SH3RF2: variants seen among roughly 807,000 people sequenced by gnomAD.
The protein encoded by SH3RF2 is E3 ubiquitin-protein ligase SH3RF2.
Under a neutral mutation model 59.0 loss-of-function variants are expected in SH3RF2, and 43 were observed. The observed-to-expected ratio is 0.73, with a 90% CI of 0.57 to 0.94. The LOEUF is 0.94. Ranked by LOEUF, SH3RF2 falls within the 40% of genes least tolerant of loss-of-function variation. SH3RF2 has a pLI of 0.00. For synonymous variants in SH3RF2, 391 were observed against 391.5 expected (o/e 1.00, Z 0.01); for missense variants, 930 against 940.1 (o/e 0.99, Z 0.14).
chr5:146,004,067 A>G lies in SH3RF2; in HGVS notation c.658A>G (p.Ile220Val). 1 of 1,612,586 alleles carries G rather than the reference A, an allele frequency of 6.2e-7. No homozygotes were observed. Among genetic ancestry groups the G allele is most frequent in the Non-Finnish European group, 8.5e-7 (1 of 1,178,870 alleles). Residue 220 changes from isoleucine (I) to valine (V), a missense_variant, in exon 4 of 10, where the codon ATC (isoleucine) becomes GTC (valine). Physicochemically the swap from Ile to Val is conservative, Grantham distance 29. Coordinates refer to ENST00000359120, the MANE Select transcript of SH3RF2 (RefSeq NM_152550.4). Reference protein sequence around the residue: ...DCLTFLKDDIITVISRVDENW... With the variant: ...DCLTFLKDDIVTVISRVDENW... Reference sequence around the variant, plus strand: ...AGACTTTCTCTTTCAGGACGATATCATCACTGTGATCAGCCGAGTGGATGA... The same window carrying G: ...AGACTTTCTCTTTCAGGACGATATCGTCACTGTGATCAGCCGAGTGGATGA...
intron 2 of SH3RF2, among the ~76,000 whole-genome samples, chr5:145,991,526 A>G (rs1759930968): frequency 1.3e-5 from 2 of 152,168 alleles, no homozygotes; most frequent in African/African-American, 4.8e-5. Context: ...TTCTGTGAGT[A>G]TGAACATAGA....
At chr5:145,963,678 T>C (rs1347997298) in intron 2 of SH3RF2, among the ~76,000 whole-genome samples, 1 of 152,156 alleles carries the variant, frequency 6.6e-6, no homozygotes, top group Non-Finnish European at 1.5e-5. Context: ...CCTCCCATCA[T>C]CATTTATAAC....
intron 4 of SH3RF2, among the ~76,000 whole-genome samples, chr5:146,012,111 A>C (rs1243312545): frequency 2.0e-5 from 3 of 152,188 alleles, no homozygotes; most frequent in Non-Finnish European, 4.4e-5. Context: ...ATTTTATCAA[A>C]GGCCTTTTCT....
At chr5:146,008,282 A>C (rs1760728045) in intron 4 of SH3RF2, among the ~76,000 whole-genome samples, 1 of 152,190 alleles carries the variant, frequency 6.6e-6, no homozygotes. Context: ...TTGGCAGAGG[A>C]CAGGGCAGAC....
In SH3RF2 at chr5:145,968,877, G is replaced by A. The variant is rs539819336; in HGVS notation, c.378+30571G>A. On this transcript the variant is annotated intron_variant, in intron 2 of 9. Coordinates refer to ENST00000359120, the MANE Select transcript of SH3RF2 (RefSeq NM_152550.4). ...CTATGGACACAGGTTGTCTTCACTA[G>A]GGAGTGGAATTAGAAGAGAAAGGAA... Among the ~76,000 whole-genome samples, 7 of 152,254 alleles carry A rather than the reference G, an allele frequency of 4.6e-5. No homozygotes were observed. The East Asian group carries it at 7.7e-4, about 17-fold the overall frequency.
rs775984140 is a variant in SH3RF2, at chr5:146,000,157, G to A, written c.478G>A (p.Glu160Lys). 3.7e-6 allele frequency: 6 copies of A among 1,613,972 alleles called. No homozygotes were observed. The South Asian group carries it at 4.4e-5, about 12-fold the overall frequency. The change falls in exon 3 of 10, where the codon GAG (glutamate) becomes AAG (lysine). Residue 160 changes from glutamate (E) to lysine (K), a missense_variant. Transcript: ENST00000359120. Reference protein sequence around the residue: ...DIILLRRQLDENWYQGEINGI... With the variant: ...DIILLRRQLDKNWYQGEINGI... ...CATCCTTCTCCGGAGACAGCTTGAT[G>A]AGAATTGGTACCAGGGGGAAATCAA...
At chr5:146,008,950 A>G (rs907356122) in intron 4 of SH3RF2, among the ~76,000 whole-genome samples, 3 of 152,202 alleles carry the variant, frequency 2.0e-5, no homozygotes, top group Non-Finnish European at 4.4e-5. Context: ...ATGCTGTTTC[A>G]TGTATCAGTA....
chr5:145,997,351 AGTCTAAATAT>A (rs1455550167), intron 2 of SH3RF2: 1 of 1,166,640 alleles, frequency 8.6e-7, no homozygotes, highest in East Asian at 2.3e-5. Flanking sequence ...CCACCGCTCC[AGTCTAAATAT>A]GTTGAAGAGC....
At chr5:145,940,976 A>T (rs1159669851) in intron 2 of SH3RF2, among the ~76,000 whole-genome samples, 1 of 152,176 alleles carries the variant, frequency 6.6e-6, no homozygotes, top group Non-Finnish European at 1.5e-5. Context: ...CCCTTGCAGG[A>T]GAGTGTAATA....
At chr5:146,027,018 G>A (rs888210183) in intron 5 of SH3RF2, among the ~76,000 whole-genome samples, 2 of 152,152 alleles carry the variant, frequency 1.3e-5, no homozygotes, top group African/African-American at 2.4e-5. Context: ...CTGCCCCAGG[G>A]CCAGCCTATA....
intron 2 of SH3RF2, among the ~76,000 whole-genome samples, chr5:145,966,738 A>C (rs1366534375): frequency 1.3e-5 from 2 of 152,202 alleles, no homozygotes; most frequent in Non-Finnish European, 2.9e-5. Flanking sequence ...ATTACTTTAT[A>C]AGGCTGGGCG....
chr5:146,003,941 A>C, intron 3 of SH3RF2, 117 bp from the exon 4 acceptor site: 1 of 692,180 alleles, frequency 1.4e-6, no homozygotes, highest in East Asian at 3.1e-5. Flanking sequence ...AAATAAATCA[A>C]GCACAAGCTA....
intron 2 of SH3RF2, among the ~76,000 whole-genome samples, chr5:145,974,855 C>T (rs2149964588): frequency 6.6e-6 from 1 of 152,184 alleles, no homozygotes; most frequent in East Asian, 1.9e-4. Flanking sequence ...CAAAGTTGTT[C>T]CTAAAAGAGA....
chr5:146,023,313 G>A (rs1580875450), intron 5 of SH3RF2, among the ~76,000 whole-genome samples: 2 of 152,058 alleles, frequency 1.3e-5, no homozygotes, highest in South Asian at 4.2e-4. Flanking sequence ...GGTTCAAGTG[G>A]TCCTCCCACC....
chr5:145,972,662 T>C (rs1759133548), intron 2 of SH3RF2, among the ~76,000 whole-genome samples: 1 of 152,224 alleles, frequency 6.6e-6, no homozygotes, highest in East Asian at 1.9e-4. Context: ...AAGTGTCTGC[T>C]GGGCCCATCA....
chr5:145,957,257 A>G (rs1373789502), intron 2 of SH3RF2, among the ~76,000 whole-genome samples: 1 of 152,216 alleles, frequency 6.6e-6, no homozygotes, highest in Non-Finnish European at 1.5e-5. Context: ...TATAAAAACA[A>G]ACAAGCAAAC....
chr5:146,050,778 C>CA (rs951190035), intron 7 of SH3RF2, among the ~76,000 whole-genome samples: 41 of 152,160 alleles, frequency 2.7e-4, no homozygotes, highest in African/African-American at 9.4e-4. Flanking sequence ...TACTGGCTAA[C>CA]AAAAAAATCA....
At chr5:146,009,780 C>T (rs1760799435) in intron 4 of SH3RF2, among the ~76,000 whole-genome samples, 1 of 152,184 alleles carries the variant, frequency 6.6e-6, no homozygotes, top group Admixed American at 6.5e-5. Context: ...CTATAAGCTT[C>T]TTGAAGCAAG....
At chr5:145,949,169 C>T (rs902657916) in intron 2 of SH3RF2, among the ~76,000 whole-genome samples, 1 of 152,052 alleles carries the variant, frequency 6.6e-6, no homozygotes, top group Admixed American at 6.5e-5. Context: ...CACGTAGGTG[C>T]TTGCAGGGGA....
Sources: gnomAD v4.1 joint callset for allele counts (sites outside exome capture counted in the v4.1 genomes callset) on GRCh38, gnomAD v4.1.1 for gene constraint, MANE v1.5 for transcripts, NCBI Gene and HGNC (gene_info 2026-07-23, HGNC 2026-07-21) for gene names.